The following MAP2 variants were observed in gnomAD, a reference collection of about 807,000 sequenced individuals.
The protein encoded by MAP2 is microtubule associated protein 2, also known as microtubule-associated protein 2.
MAP2 carries 14 observed loss-of-function variants against 137.6 expected under a neutral mutation model. The observed-to-expected ratio is 0.10, with a 90% CI of 0.07 to 0.16. MAP2 has a LOEUF of 0.16. Ranked by LOEUF, MAP2 falls within the 10% of genes least tolerant of loss-of-function variation. The probability of loss-of-function intolerance (pLI) is 1.00; values close to 1 mark genes in which losing one functional copy is unlikely to be tolerated. For synonymous variants in MAP2, 786 were observed against 782.3 expected, an observed-to-expected ratio of 1.00 and a Z score of -0.08; for missense variants, 2,088 against 2,191.5, an observed-to-expected ratio of 0.95 and a Z score of 0.94.
At chr2:209,548,737 G>A (rs1350883865) in intron 2 of MAP2, among the ~76,000 whole-genome samples, 1 of 152,128 alleles carries the variant, frequency 6.6e-6, no homozygotes, top group Non-Finnish European at 1.5e-5. Context: ...TGCTCTTCTT[G>A]TAATACTGAA....
In MAP2 at chr2:209,580,109, T is replaced by A. The variant is rs2076068746; in HGVS notation, c.-107+9T>A. 1 of 151,836 alleles carries A rather than the reference T, an allele frequency of 6.6e-6. No homozygotes were observed. Among genetic ancestry groups the A allele is most frequent in the South Asian group, 2.1e-4 (1 of 4,810 alleles). 9.4% of individuals were successfully genotyped at this position (151,836 alleles called of 1,614,324 possible). Reference sequence around the variant, plus strand: ...ATTCAGAAAATTAAAAGGTACCACATGTTTTGTTTGGATGTTTTAATGAGG... The same window carrying A: ...ATTCAGAAAATTAAAAGGTACCACAAGTTTTGTTTGGATGTTTTAATGAGG... On this transcript the variant is annotated intron_variant, in intron 3 of 15. Transcript: ENST00000682079.
chr2:209,496,587 C>A (rs1240443522), intron 1 of MAP2, among the ~76,000 whole-genome samples: 1 of 152,146 alleles, frequency 6.6e-6, no homozygotes, highest in African/African-American at 2.4e-5. Context: ...GGTCAGTTGC[C>A]TGATGAATAC....
At chr2:209,539,719 T>C (rs905101771) in intron 2 of MAP2, among the ~76,000 whole-genome samples, 1 of 151,500 alleles carries the variant, frequency 6.6e-6, no homozygotes, top group Non-Finnish European at 1.5e-5. Flanking sequence ...TGCTTTTTTT[T>C]TATGTCTGTG....
intron 1 of MAP2, among the ~76,000 whole-genome samples, chr2:209,429,076 C>T (rs1693468143): frequency 6.6e-6 from 1 of 151,996 alleles, no homozygotes; most frequent in Non-Finnish European, 1.5e-5. Context: ...GCCTCAGCCT[C>T]CCGAGTAGCT....
At chr2:209,560,399 A>C (rs998393715) in intron 2 of MAP2, among the ~76,000 whole-genome samples, 5 of 152,204 alleles carry the variant, frequency 3.3e-5, no homozygotes, top group African/African-American at 1.2e-4. Context: ...AAAATTGCAA[A>C]CATATAACTT....
chr2:209,667,275 G>A (rs1165683975), intron 5 of MAP2, among the ~76,000 whole-genome samples: 1 of 151,930 alleles, frequency 6.6e-6, no homozygotes, highest in Non-Finnish European at 1.5e-5. Context: ...AAGAAAAAGA[G>A]CAAAAACAAC....
chr2:209,532,462 T>A (rs1244676324), intron 2 of MAP2, among the ~76,000 whole-genome samples: 1 of 152,180 alleles, frequency 6.6e-6, no homozygotes, highest in Non-Finnish European at 1.5e-5. Flanking sequence ...TTGTTATCCC[T>A]ATTTTAAAGA....
At chr2:209,450,862 G>GA (rs1259033395) in intron 1 of MAP2, among the ~76,000 whole-genome samples, 2 of 152,000 alleles carry the variant, frequency 1.3e-5, no homozygotes, top group African/African-American at 4.8e-5. Context: ...TATAATATCA[G>GA]AAAAATGAAT....
intron 1 of MAP2, among the ~76,000 whole-genome samples, chr2:209,506,799 G>A (rs1015211722): frequency 6.6e-6 from 1 of 152,082 alleles, no homozygotes; most frequent in Admixed American, 6.6e-5. Context: ...ACTGATTGTC[G>A]ACCCAGGACT....
intron 5 of MAP2, among the ~76,000 whole-genome samples, chr2:209,660,284 G>A (rs2042805079): frequency 6.6e-6 from 1 of 151,772 alleles, no homozygotes; most frequent in Non-Finnish European, 1.5e-5. Flanking sequence ...AGCTCACCAT[G>A]GGAGCTATGT....
At chr2:209,513,133 A>G (rs2061972384) in intron 2 of MAP2, among the ~76,000 whole-genome samples, 1 of 152,132 alleles carries the variant, frequency 6.6e-6, no homozygotes, top group Non-Finnish European at 1.5e-5. Flanking sequence ...GGAAGTGGGG[A>G]GAGGCGGATG....
chr2:209,442,075 T>C (rs996641427), intron 1 of MAP2, among the ~76,000 whole-genome samples: 6 of 151,608 alleles, frequency 4.0e-5, no homozygotes, highest in African/African-American at 1.5e-4. Flanking sequence ...TTTTCACAAA[T>C]AAATTAGTTT....
Position 209,678,571 on chromosome 2 carries a change from G to T in MAP2, c.263-1G>T. 6.7e-7 allele frequency: 1 copy of T among 1,500,340 alleles called. No homozygotes were observed. The highest frequency in any genetic ancestry group is 1.2e-5 in the South Asian group (1 of 81,796). The allele number at this position is 1,500,340 out of a possible 1,614,324, so 92.9% of individuals were successfully genotyped here. ...TTTTATTTTGTTACTGTTTATTACAGAGGAGGTGTCTGCAAGGATAGTTCA... is the reference window on the plus strand; with the variant it reads ...TTTTATTTTGTTACTGTTTATTACATAGGAGGTGTCTGCAAGGATAGTTCA... On this transcript the variant is annotated splice_acceptor_variant, in intron 5 of 15. Coordinates refer to ENST00000682079, the MANE Select transcript of MAP2 (RefSeq NM_001375505.1). LOFTEE classifies it high-confidence loss of function.
intron 1 of MAP2, among the ~76,000 whole-genome samples, chr2:209,452,320 G>T: frequency 6.6e-6 from 1 of 152,160 alleles, no homozygotes; most frequent in Admixed American, 6.5e-5. Flanking sequence ...CTTCAAGGAT[G>T]TAAAACCCAC....
chr2:209,640,741 A>G (rs2093956737), intron 4 of MAP2, among the ~76,000 whole-genome samples: 1 of 152,150 alleles, frequency 6.6e-6, no homozygotes, highest in South Asian at 2.1e-4. Flanking sequence ...AACAAATGGT[A>G]TCCTGCTTAT....
chr2:209,633,389 A>G (rs1158872178), intron 4 of MAP2, among the ~76,000 whole-genome samples: 3 of 152,160 alleles, frequency 2.0e-5, no homozygotes, highest in Non-Finnish European at 4.4e-5. Flanking sequence ...TTGGCGTGTC[A>G]TTATTCCCAT....
At chr2:209,627,667 C>T (rs1411582819) in intron 4 of MAP2, among the ~76,000 whole-genome samples, 1 of 152,108 alleles carries the variant, frequency 6.6e-6, no homozygotes, top group African/African-American at 2.4e-5. Flanking sequence ...AAATTTTATT[C>T]ATGCCACTAA....
chr2:209,593,159 T>A (rs865900957), intron 3 of MAP2, among the ~76,000 whole-genome samples: 35 of 152,098 alleles, frequency 2.3e-4, no homozygotes, highest in African/African-American at 7.7e-4. Context: ...CAAAAGGATG[T>A]TCATTTTTAA....
chr2:209,544,681 C>T (rs947767989), intron 2 of MAP2, among the ~76,000 whole-genome samples: 3 of 152,120 alleles, frequency 2.0e-5, no homozygotes, highest in Non-Finnish European at 4.4e-5. Context: ...TTGAATTATT[C>T]GGTAAAAGTA....
Sources: gnomAD v4.1 joint callset for allele counts (sites outside exome capture counted in the v4.1 genomes callset) on GRCh38, gnomAD v4.1.1 for gene constraint, MANE v1.5 for transcripts, NCBI Gene and HGNC (gene_info 2026-07-23, HGNC 2026-07-21) for gene names.